Variants in TMTC2 observed in about 807,000 individuals in gnomAD.
TMTC2 encodes protein O-mannosyl-transferase TMTC2.
A neutral mutation model predicts 82.4 loss-of-function variants in TMTC2; 43 were observed. The observed-to-expected ratio is 0.52, with a 90% confidence interval of 0.41 to 0.67. The LOEUF (loss-of-function observed/expected upper bound fraction) is 0.67, where lower values mean the gene tolerates loss of function less well. Among genes scored for constraint, TMTC2 ranks in the 30% least tolerant of loss-of-function variants. The probability of loss-of-function intolerance (pLI) is 0.00; values close to 1 mark genes in which losing one functional copy is unlikely to be tolerated. For synonymous variants in TMTC2, 408 were observed against 381.9 expected (o/e 1.07, Z -0.80); for missense variants, 919 against 1,012.4 (o/e 0.91, Z 1.25).
At chr12:82,855,301 T>C (rs1162383457) in intron 1 of TMTC2, among the ~76,000 whole-genome samples, 1 of 152,150 alleles carries the variant, frequency 6.6e-6, no homozygotes, top group East Asian at 1.9e-4. Context: ...AGTCAGGCAG[T>C]GAATGAAAGA....
At chr12:83,112,217 A>G (rs1884622051) in intron 11 of TMTC2, among the ~76,000 whole-genome samples, 3 of 152,102 alleles carry the variant, frequency 2.0e-5, no homozygotes, top group Admixed American at 1.3e-4. Flanking sequence ...TATTTATTCT[A>G]TAGTAAGAGG....
intron 1 of TMTC2, among the ~76,000 whole-genome samples, chr12:82,698,476 G>T (rs1255053380): frequency 1.3e-5 from 2 of 152,162 alleles, no homozygotes; most frequent in Non-Finnish European, 2.9e-5. Flanking sequence ...TATATACTTA[G>T]CTGTAGAGTG....
At position 82,727,508 on chromosome 12, in the gene TMTC2, G is replaced by A. The variant is rs542545622; in HGVS notation, c.83+39839G>A. Among the ~76,000 whole-genome samples, 117 of 151,966 alleles carry A rather than the reference G, an allele frequency of 7.7e-4. 1 individual carries two copies. Among genetic ancestry groups the A allele is most frequent in the African/African-American group, 2.8e-3 (114 of 41,442 alleles). On this transcript the variant is annotated intron_variant, in intron 1 of 11. Transcript: ENST00000321196. The stretch of plus-strand genomic sequence containing the variant: ...CACGGTGGAGGGTGGATCACCTGAG[G>A]TCAGGAGGTTAAGACCAGCCTGACC...
intron 2 of TMTC2, among the ~76,000 whole-genome samples, chr12:82,864,538 T>C (rs1286817723): frequency 6.8e-6 from 1 of 147,590 alleles, no homozygotes; most frequent in African/African-American, 2.5e-5. Context: ...AGTCTCTGTC[T>C]GTCGCCACGC....
At chr12:82,922,836 T>C (rs778220735) in intron 3 of TMTC2, among the ~76,000 whole-genome samples, 36 of 152,232 alleles carry the variant, frequency 2.4e-4, no homozygotes, top group South Asian at 1.7e-3. Flanking sequence ...TAACAGTATT[T>C]ACATGGTATT....
intron 2 of TMTC2, among the ~76,000 whole-genome samples, chr12:82,892,693 C>G (rs980689508): frequency 6.6e-6 from 1 of 152,192 alleles, no homozygotes; most frequent in Non-Finnish European, 1.5e-5. Flanking sequence ...AATGCTTTCT[C>G]TCTTCCTCTC....
intron 1 of TMTC2, among the ~76,000 whole-genome samples, chr12:82,725,672 A>C (rs923674116): frequency 1.3e-5 from 2 of 152,182 alleles, no homozygotes; most frequent in African/African-American, 4.8e-5. Context: ...CATGTTAGGG[A>C]GGCATGAGAT....
At chr12:82,992,641 T>A (rs553990155) in intron 8 of TMTC2, among the ~76,000 whole-genome samples, 68 of 152,322 alleles carry the variant, frequency 4.5e-4, no homozygotes, top group African/African-American at 1.6e-3. Flanking sequence ...AGAGTTATCA[T>A]TGTATTATTT....
At chr12:82,723,328 C>T (rs760350584) in intron 1 of TMTC2, among the ~76,000 whole-genome samples, 1 of 152,126 alleles carries the variant, frequency 6.6e-6, no homozygotes, top group Non-Finnish European at 1.5e-5. Flanking sequence ...TTTAGGAGCT[C>T]CAACCGCAGC....
At chr12:82,812,659 G>C (rs962215786) in intron 1 of TMTC2, among the ~76,000 whole-genome samples, 2 of 151,990 alleles carry the variant, frequency 1.3e-5, no homozygotes, top group African/African-American at 4.8e-5. Flanking sequence ...GATGGTTTCT[G>C]TAGGTTTATT....
intron 11 of TMTC2, among the ~76,000 whole-genome samples, chr12:83,101,955 G>A (rs1884233645): frequency 1.3e-5 from 2 of 152,156 alleles, no homozygotes; most frequent in African/African-American, 2.4e-5. Flanking sequence ...AAGATTAACA[G>A]CCAACTGTTT....
chr12:82,876,028 C>CGGTGGCGGT (rs1555193424), intron 2 of TMTC2, among the ~76,000 whole-genome samples: 25 of 83,488 alleles, frequency 3.0e-4, no homozygotes, highest in Non-Finnish European at 5.3e-4. Context: ...GTAGTGGTGG[C>CGGTGGCGGT]GGTGGTGGTG....
intron 11 of TMTC2, among the ~76,000 whole-genome samples, chr12:83,115,952 T>C (rs1189895367): frequency 3.3e-5 from 5 of 152,158 alleles, no homozygotes; most frequent in Non-Finnish European, 7.4e-5. Flanking sequence ...CATGCCTGGC[T>C]AATTTTTGTA....
At chr12:82,943,464 T>A (rs1291697894) in intron 4 of TMTC2, among the ~76,000 whole-genome samples, 1 of 152,208 alleles carries the variant, frequency 6.6e-6, no homozygotes, top group Non-Finnish European at 1.5e-5. Flanking sequence ...TTGTACTCAG[T>A]TGTTGCACTA....
At chr12:83,121,022 A>C (rs563561738) in intron 11 of TMTC2, among the ~76,000 whole-genome samples, 1 of 152,090 alleles carries the variant, frequency 6.6e-6, no homozygotes, top group Non-Finnish European at 1.5e-5. Context: ...TTCTTTACTT[A>C]TGCTATTTCA....
chr12:82,889,539 T>C (rs1272942338), intron 2 of TMTC2, among the ~76,000 whole-genome samples: 1 of 152,142 alleles, frequency 6.6e-6, no homozygotes, highest in East Asian at 1.9e-4. Context: ...CCTCGTCTCA[T>C]GTTTGGTATA....
At chr12:82,970,612 C>T (rs1821399743) in intron 7 of TMTC2, among the ~76,000 whole-genome samples, 2 of 152,150 alleles carry the variant, frequency 1.3e-5, no homozygotes, top group Non-Finnish European at 2.9e-5. Flanking sequence ...GCATTACAGG[C>T]GTGAGCCACC....
intron 2 of TMTC2, among the ~76,000 whole-genome samples, chr12:82,876,178 G>GTGATTAGTATTCATAAT (rs1872567063): frequency 7.3e-6 from 1 of 137,570 alleles, no homozygotes; most frequent in African/African-American, 3.3e-5. Flanking sequence ...GTTGTTGATC[G>GTGATTAGTATTCATAAT]GGTGGTAGTG....
chr12:82,834,398 C>T (rs1869917423), intron 1 of TMTC2, among the ~76,000 whole-genome samples: 3 of 152,142 alleles, frequency 2.0e-5, no homozygotes, highest in Non-Finnish European at 2.9e-5. Context: ...TTGTGAATAT[C>T]CAGTAATGGA....
Sources: allele counts gnomAD v4.1 joint callset (sites outside exome capture counted in the v4.1 genomes callset), GRCh38; gene constraint gnomAD v4.1.1; transcripts MANE v1.5; gene names NCBI Gene and HGNC (gene_info 2026-07-23, HGNC 2026-07-21).